HK1: variants seen among roughly 807,000 people sequenced by gnomAD.
HK1 encodes the protein hexokinase-1.
In HK1, 28 loss-of-function variants were observed where a neutral mutation model predicts 91.6. The ratio of observed to expected loss-of-function variants is 0.31; its 90% CI spans 0.23 to 0.42. HK1 has a LOEUF of 0.42. Among genes scored for constraint, HK1 ranks in the 10% least tolerant of loss-of-function variants. The pLI is 1.00. For synonymous variants in HK1, 430 were observed against 468.1 expected (o/e 0.92, Z 1.05); for missense variants, 770 against 1,219.8 (o/e 0.63, Z 5.49).
intron 1 of HK1, among the ~76,000 whole-genome samples, chr10:69,270,568 C>A (rs552253836): frequency 6.7e-6 from 1 of 150,204 alleles, no homozygotes. Flanking sequence ...GGGTACACAG[C>A]GAGTCTGTCT....
At chr10:69,299,133 A>G (rs1398864527) in intron 4 of HK1, among the ~76,000 whole-genome samples, 1 of 150,618 alleles carries the variant, frequency 6.6e-6, no homozygotes, top group Admixed American at 6.6e-5. Context: ...AAATGAAAGT[A>G]TAATTTACTA....
intron 1 of HK1, among the ~76,000 whole-genome samples, chr10:69,274,345 C>T (rs946162841): frequency 6.6e-6 from 1 of 152,104 alleles, no homozygotes; most frequent in Non-Finnish European, 1.5e-5. Context: ...CGTTTCTAAT[C>T]CCAGCACTTT....
chr10:69,333,662 A>G (rs1337789791), intron 1 of HK1, among the ~76,000 whole-genome samples: 1 of 152,002 alleles, frequency 6.6e-6, no homozygotes, highest in Non-Finnish European at 1.5e-5. Context: ...GGCCTGGGGC[A>G]TTTGGCTTAA....
In HK1 at chr10:69,369,388, G is replaced by T; in HGVS notation, c.691+52G>T. 3.7e-6 allele frequency: 6 copies of T among 1,613,666 alleles called. No homozygotes were observed. Among genetic ancestry groups the T allele is most frequent in the Non-Finnish European group, 5.1e-6 (6 of 1,179,542 alleles). ...TTTGTTCGGCCCATCTTTCCAGGTG[G>T]CTCTGCACCCTCCCCGTTGTGTGGT... On this transcript the variant is annotated intron_variant, in intron 6 of 17. Coordinates refer to ENST00000359426, the MANE Select transcript of HK1 (RefSeq NM_000188.3). The surrounding 1 kb of genome is among the most constrained non-coding windows in gnomAD (Gnocchi z 4.4).
chr10:69,348,807 A>G (rs979093462), intron 2 of HK1, among the ~76,000 whole-genome samples: 1 of 119,278 alleles, frequency 8.4e-6, no homozygotes, highest in Non-Finnish European at 1.7e-5. Flanking sequence ...CTCTGTCTCA[A>G]AAAAAAAAAA....
intron 2 of HK1, among the ~76,000 whole-genome samples, chr10:69,351,865 C>G (rs1848892411): frequency 6.6e-6 from 1 of 152,118 alleles, no homozygotes; most frequent in African/African-American, 2.4e-5. Context: ...CGTATAAGCA[C>G]TTAGTGATTG....
At chr10:69,336,217 G>C (rs1219508591) in intron 1 of HK1, among the ~76,000 whole-genome samples, 1 of 152,112 alleles carries the variant, frequency 6.6e-6, no homozygotes, top group Non-Finnish European at 1.5e-5. Context: ...TTGAGATGGA[G>C]TTTCGCTCTT....
intron 5 of HK1, among the ~76,000 whole-genome samples, chr10:69,303,915 TG>T (rs1377111914): frequency 6.6e-6 from 1 of 152,150 alleles, no homozygotes; most frequent in Non-Finnish European, 1.5e-5. Context: ...GAGTGCTGAT[TG>T]GTTGGGTCAG....
At chr10:69,397,451 A>T (rs1440013739) in intron 16 of HK1, among the ~76,000 whole-genome samples, 1 of 152,228 alleles carries the variant, frequency 6.6e-6, no homozygotes, top group East Asian at 1.9e-4. Flanking sequence ...AGTAAAAAAA[A>T]AAAGTAATCA....
At chr10:69,393,998 T>G (rs1447460995) in intron 15 of HK1, among the ~76,000 whole-genome samples, 1 of 152,158 alleles carries the variant, frequency 6.6e-6, no homozygotes, top group Non-Finnish European at 1.5e-5. Context: ...ACTGGGGTGG[T>G]CTTTGTGGTG....
At chr10:69,315,639 C>G (rs1277542747), upstream of HK1, 1 of 437,122 alleles carries the variant, frequency 2.3e-6, no homozygotes, top group African/African-American at 2.0e-5. Context: ...GAAGTCAGCA[C>G]TGGAACAACA....
At chr10:69,353,929 G>T (rs1398555993) in intron 2 of HK1, among the ~76,000 whole-genome samples, 1 of 152,246 alleles carries the variant, frequency 6.6e-6, no homozygotes, top group Non-Finnish European at 1.5e-5. Context: ...TGATCAGCCA[G>T]AAGCACAGGC....
intron 1 of HK1, among the ~76,000 whole-genome samples, chr10:69,271,737 A>C (rs1240355332): frequency 1.3e-5 from 2 of 152,182 alleles, no homozygotes; most frequent in African/African-American, 2.4e-5. Context: ...TTGGCCTCCC[A>C]AAATGCTGGG....
intron 3 of HK1, among the ~76,000 whole-genome samples, chr10:69,293,000 C>G (rs1168002959): frequency 2.0e-5 from 3 of 152,190 alleles, no homozygotes; most frequent in African/African-American, 7.2e-5. Flanking sequence ...TCTAATCCAT[C>G]TGATTCATCT....
At chr10:69,325,993 C>T (rs576477247) in intron 1 of HK1, among the ~76,000 whole-genome samples, 1 of 151,692 alleles carries the variant, frequency 6.6e-6, no homozygotes, top group Non-Finnish European at 1.5e-5. Flanking sequence ...TGCCACTACA[C>T]CCAGCTAATT....
At chr10:69,356,869 C>A (rs111685570) in intron 2 of HK1, among the ~76,000 whole-genome samples, 2 of 115,402 alleles carry the variant, frequency 1.7e-5, no homozygotes, top group Admixed American at 1.1e-4. Context: ...GGCAACAGAG[C>A]GAAACTCCAT....
chr10:69,321,504 G>A (rs1187983787), intron 1 of HK1, among the ~76,000 whole-genome samples: 1 of 152,182 alleles, frequency 6.6e-6, no homozygotes, highest in Non-Finnish European at 1.5e-5. Flanking sequence ...CCCCCAGCGT[G>A]GGCAGCCATG....
At chr10:69,344,187 C>T (rs76247898) in intron 2 of HK1, among the ~76,000 whole-genome samples, 198 bp downstream of exon 2, 5 of 152,296 alleles carry the variant, frequency 3.3e-5, no homozygotes, top group Middle Eastern at 3.4e-3. Flanking sequence ...ATCCATCCAT[C>T]CAATATGTGT....
At chr10:69,386,557 G>T (rs1839640930) in intron 13 of HK1, 139 bp downstream of exon 13, 2 of 608,806 alleles carry the variant, frequency 3.3e-6, no homozygotes, top group African/African-American at 1.9e-5. Context: ...GCCGAGGCGG[G>T]TGGATCATGA....
Sources: allele counts gnomAD v4.1 joint callset (sites outside exome capture counted in the v4.1 genomes callset), GRCh38; gene constraint gnomAD v4.1.1; non-coding constraint Gnocchi (gnomAD v3.1); transcripts MANE v1.5; gene names NCBI Gene and HGNC (gene_info 2026-07-23, HGNC 2026-07-21).